The following SH3D21 variants were observed in gnomAD, a reference collection of about 807,000 sequenced individuals.
The protein encoded by SH3D21 is manchette microtubule inner protein 1, also known as SH3 domain-containing protein 21.
Under a neutral mutation model 82.1 loss-of-function variants are expected in SH3D21, and 83 were observed. The observed-to-expected ratio is 1.01, with a 90% confidence interval of 0.85 to 1.21. The LOEUF (loss-of-function observed/expected upper bound fraction) is 1.21. Among genes scored for constraint, SH3D21 ranks in the 50% most tolerant of loss-of-function variants. The pLI is 0.00. For synonymous variants in SH3D21, 383 were observed against 387.8 expected (o/e 0.99, Z 0.15); for missense variants, 980 against 962.1 (o/e 1.02, Z -0.25).
At position 36,320,650 on chromosome 1, in the gene SH3D21, C is replaced by T. The variant is rs777379666; in HGVS notation, c.1987C>T (p.Pro663Ser). The change falls in exon 14 of 16, where the codon CCT becomes TCT. Residue 663 changes from proline to serine, a missense_variant. Transcript: ENST00000453908. ...FAQKTRPIKP[P>S]PDSQETLALP... ...CCAAAAAACACGTCCTATCAAGCCG[C>T]CTCCAGACTCCCAAGAGACGCTCGC... 12 of 1,614,162 alleles carry T rather than the reference C, an allele frequency of 7.4e-6. No homozygotes were observed. In the African/African-American group the frequency reaches 1.3e-4, roughly 18 times the overall value.
chr1:36,330,067 G>A (rs1423339475), downstream of SH3D21, among the ~76,000 whole-genome samples: 1 of 152,040 alleles, frequency 6.6e-6, no homozygotes, highest in African/African-American at 2.4e-5. Context: ...AACCAAAGCT[G>A]GCAAAAACAT....
chr1:36,330,183 C>T (rs969039796), downstream of SH3D21, among the ~76,000 whole-genome samples: 1 of 152,246 alleles, frequency 6.6e-6, no homozygotes, highest in African/African-American at 2.4e-5. Context: ...AAGGCTGCCT[C>T]CTCTGCCTGT....
chr1:36,306,836 T>A lies in SH3D21; in HGVS notation c.163-6T>A. The A allele has an allele frequency of 7.7e-7, 1 of 1,295,664 alleles. No individual in the cohort carries two copies. Among genetic ancestry groups the A allele is most frequent in the Non-Finnish European group, 1.0e-6 (1 of 989,856 alleles). The allele number at this position is 1,295,664 out of a possible 1,614,324, so 80.3% of individuals were successfully genotyped here. ...GAGAGCGCCTTCCCCGTGCCCTGAT[T>A]CCCAGGAGATCCCAGAGACCCTGCG... is the stretch of plus-strand genomic sequence containing the variant. On this transcript the variant is annotated splice_polypyrimidine_tract_variant and splice_region_variant and intron_variant, in intron 2 of 15. Transcript: ENST00000453908. The surrounding 1 kb of genome is among the most constrained non-coding windows in gnomAD (Gnocchi z 4.5).
chr1:36,327,609 A>G (rs140930548), downstream of SH3D21: 655 of 1,143,860 alleles, frequency 5.7e-4, 5 homozygotes, highest in African/African-American at 8.4e-3. Context: ...ATGTGTTTGG[A>G]GTGGGTCAGG....
At chr1:36,317,820 T>C (rs1646370177) in intron 10 of SH3D21, among the ~76,000 whole-genome samples, 1 of 152,196 alleles carries the variant, frequency 6.6e-6, no homozygotes. Context: ...TACCTTGGAC[T>C]CTCAAAGTGC....
At position 36,320,987 on chromosome 1, in the gene SH3D21, C is replaced by T. The variant is rs766245211; in HGVS notation, c.2199+9C>T. 3 of 1,568,814 alleles carry T rather than the reference C, an allele frequency of 1.9e-6. No homozygotes were observed. Among genetic ancestry groups the T allele is most frequent in the South Asian group, 1.2e-5 (1 of 86,132 alleles). On this transcript the variant is annotated intron_variant, in intron 15 of 15. Coordinates refer to ENST00000453908, the MANE Select transcript of SH3D21 (RefSeq NM_001162530.2). ...AGCGCCGGCGGCTGGAGGTGAGGCG[C>T]GGGTCCCGGCGGGAGGGGGCTGACG...
At chr1:36,323,139 T>G, downstream of SH3D21, 1 of 1,317,230 alleles carries the variant, frequency 7.6e-7, no homozygotes, top group South Asian at 1.4e-5. Context: ...GGGCAGCTCC[T>G]CTCCCGGGAG....
chr1:36,322,797 A>G (rs1000965000), downstream of SH3D21: 5 of 1,505,120 alleles, frequency 3.3e-6, no homozygotes, highest in Non-Finnish European at 3.6e-6. Context: ...GAAAGACCCC[A>G]GGTTCTAGGT....
chr1:36,316,415 A>G (rs1478856205), intron 10 of SH3D21, among the ~76,000 whole-genome samples: 1 of 152,068 alleles, frequency 6.6e-6, no homozygotes. Context: ...TTGTAGTTTT[A>G]GTAGAGATGA....
downstream of SH3D21, chr1:36,323,342 T>TGGA: frequency 2.8e-6 from 1 of 360,822 alleles, no homozygotes; most frequent in Non-Finnish European, 5.0e-6. Flanking sequence ...CGGGGCGGGA[T>TGGA]GGAGGATAGG....
At chr1:36,310,954 G>T (rs1013254345) in intron 10 of SH3D21, among the ~76,000 whole-genome samples, 4 of 151,962 alleles carry the variant, frequency 2.6e-5, no homozygotes, top group Non-Finnish European at 4.4e-5. Context: ...TGTTGCCCAG[G>T]CTGGAGTGCA....
chr1:36,307,748 T>C lies in SH3D21; in HGVS notation c.437-22T>C. 1 of 1,550,960 alleles carries C rather than the reference T, an allele frequency of 6.4e-7. No individual in the cohort carries two copies. Reference sequence around the variant, plus strand: ...CTAACCTGTGAATTAGCACCCTCCCTAACCTCACTGTCCCCCACTAGGCCT... The same window carrying C: ...CTAACCTGTGAATTAGCACCCTCCCCAACCTCACTGTCCCCCACTAGGCCT... On this transcript the variant is annotated intron_variant, in intron 5 of 15. Coordinates refer to ENST00000453908, the MANE Select transcript of SH3D21 (RefSeq NM_001162530.2). The surrounding 1 kb of genome is among the most constrained non-coding windows in gnomAD (Gnocchi z 5.4).
downstream of SH3D21, chr1:36,327,921 C>G (rs774053482): frequency 6.3e-5 from 79 of 1,257,678 alleles, no homozygotes; most frequent in Non-Finnish European, 7.9e-5. Context: ...CCAGCCTGTC[C>G]GTGGGTCAGC....
chr1:36,322,303 A>T (rs914034574), downstream of SH3D21: 16 of 1,535,582 alleles, frequency 1.0e-5, no homozygotes, highest in Admixed American at 7.9e-5. Flanking sequence ...CATCAGTAAT[A>T]GTGCATGCGG....
At chr1:36,327,758 G>A (rs1422831016), downstream of SH3D21, 8 of 1,237,164 alleles carry the variant, frequency 6.5e-6, 1 homozygote, top group South Asian at 2.8e-5. Context: ...TGGGAGAAGC[G>A]GCAGCCTTGC....
At chr1:36,321,791 T>C, downstream of SH3D21, 1 of 1,000,288 alleles carries the variant, frequency 1.0e-6, no homozygotes, top group South Asian at 4.4e-5. This position sits in a 1 kb window ranked among gnomAD's most constrained non-coding sequence, Gnocchi z 6.1. Flanking sequence ...AAGGAATGCG[T>C]TTTGAATAAG....
At chr1:36,322,063 C>T, downstream of SH3D21, 6 of 1,342,314 alleles carry the variant, frequency 4.5e-6, no homozygotes, top group Non-Finnish European at 5.7e-6. Context: ...CATTTGGTCA[C>T]TTCACCTCTT....
At chr1:36,324,860 A>C (rs1004139716), downstream of SH3D21, 1 of 152,202 alleles carries the variant, frequency 6.6e-6, no homozygotes, top group African/African-American at 2.4e-5. Flanking sequence ...GTCTGTATAT[A>C]AATCTGTGCA....
At position 36,319,076 on chromosome 1, in the gene SH3D21, A is replaced by G. The variant is rs746640805; in HGVS notation, c.775A>G (p.Ile259Val). Reference sequence around the variant, plus strand: ...CTCCACTCCTCTCTTCCCAGCTCCTATTAAGGAACCAAAAAAGTTGATGCC... The same window carrying G: ...CTCCACTCCTCTCTTCCCAGCTCCTGTTAAGGAACCAAAAAAGTTGATGCC... ...RKVVSRESAP[I>V]KEPKKLMPKT... The change falls in exon 11 of 16, where the codon ATT (isoleucine) becomes GTT (valine). Residue 259 changes from isoleucine to valine, a missense_variant. By Grantham distance (29) the Ile-to-Val change is conservative. Transcript: ENST00000453908. The G allele has an allele frequency of 1.9e-6, 3 of 1,544,744 alleles. No homozygotes were observed. The highest frequency in any genetic ancestry group is 1.2e-5 in the South Asian group (1 of 83,912).
Sources: allele counts gnomAD v4.1 joint callset (sites outside exome capture counted in the v4.1 genomes callset), GRCh38; gene constraint gnomAD v4.1.1; non-coding constraint Gnocchi (gnomAD v3.1); transcripts MANE v1.5; gene names NCBI Gene and HGNC (gene_info 2026-07-23, HGNC 2026-07-21).